Variants in PRIM2 observed in about 807,000 individuals in gnomAD.
PRIM2 encodes the protein DNA primase large subunit.
Under a neutral mutation model 67.3 loss-of-function variants are expected in PRIM2, and 39 were observed. That is an observed-to-expected ratio of 0.58 (90% CI 0.45 to 0.76). The LOEUF (loss-of-function observed/expected upper bound fraction) is 0.76. Ranked by LOEUF, PRIM2 falls within the 30% of genes least tolerant of loss-of-function variation. The pLI, the probability that PRIM2 is intolerant of heterozygous loss-of-function variation, is 0.00. For missense variants in PRIM2, 398 were observed against 598.7 expected (o/e 0.66, Z 3.50); for synonymous variants, 143 against 198.7 (o/e 0.72, Z 2.36).
chr6:57,499,420 A>G (rs1774080182), intron 7 of PRIM2, among the ~76,000 whole-genome samples: 1 of 152,046 alleles, frequency 6.6e-6, no homozygotes. Flanking sequence ...CAGGCCATAA[A>G]CCCTAGCCGA....
At chr6:57,263,487 CCT>C in the PRIM2 span, among the ~76,000 whole-genome samples, 13 of 152,272 alleles carry the variant, frequency 8.5e-5, no homozygotes, top group East Asian at 2.5e-3. Flanking sequence ...TCATCTTCTC[CCT>C]GTGTGTCTTT....
At chr6:57,549,390 ACCCTGAACTT>A (rs1775356366) in intron 10 of PRIM2, among the ~76,000 whole-genome samples, 1 of 152,026 alleles carries the variant, frequency 6.6e-6, no homozygotes. Context: ...TTTATTCCAA[ACCCTGAACTT>A]CCCCCAGTAC....
chr6:57,338,830 A>T lies in PRIM2; in HGVS notation c.459+12785A>T, dbSNP rs879935550. 3.1e-3 allele frequency among the ~76,000 whole-genome samples: 461 copies of T among 146,788 alleles called. 5 individuals carry two copies. The highest frequency in any genetic ancestry group is 0.026 in the Admixed American group (387 of 14,666). On this transcript the variant is annotated intron_variant, in intron 5 of 13. Coordinates refer to ENST00000615550, the MANE Select transcript of PRIM2 (RefSeq NM_000947.5). ...TGCCCTCTCTCACCACTCCTATTCA[A>T]CATAGTGTTGGAAGTTCTGGCCAGG...
upstream of PRIM2, chr6:57,314,845 T>C (rs758498164): frequency 2.0e-5 from 3 of 152,242 alleles, no homozygotes; most frequent in East Asian, 5.8e-4. Context: ...AACATTATTG[T>C]GCATTATTGC....
intron 7 of PRIM2, among the ~76,000 whole-genome samples, chr6:57,425,022 T>C (rs1451513126): frequency 6.6e-6 from 1 of 152,310 alleles, no homozygotes; most frequent in African/African-American, 2.4e-5. Context: ...TAAACATGTA[T>C]ACACATATAT....
intron 7 of PRIM2, among the ~76,000 whole-genome samples, chr6:57,467,114 A>AAAAG (rs1773219093): frequency 6.7e-6 from 1 of 149,824 alleles, no homozygotes; most frequent in African/African-American, 2.5e-5. Flanking sequence ...TCAAAAAAAA[A>AAAAG]AAAAAAGAAA....
the PRIM2 span, among the ~76,000 whole-genome samples, chr6:57,308,818 A>G: frequency 1.3e-5 from 2 of 152,060 alleles, no homozygotes; most frequent in African/African-American, 2.4e-5. Flanking sequence ...TTCATTGTGA[A>G]ATACTTGTTC....
At chr6:57,315,930 G>A (rs1456399380), upstream of PRIM2, among the ~76,000 whole-genome samples, 1 of 152,054 alleles carries the variant, frequency 6.6e-6, no homozygotes, top group Non-Finnish European at 1.5e-5. Flanking sequence ...ATGCTTTCAG[G>A]TGTCTTCTTT....
intron 7 of PRIM2, among the ~76,000 whole-genome samples, chr6:57,489,280 G>A (rs1773823067): frequency 6.6e-6 from 1 of 152,226 alleles, no homozygotes. Flanking sequence ...ATTTAGGCCG[G>A]GTGCAGTGGC....
chr6:57,261,489 A>G, the PRIM2 span, among the ~76,000 whole-genome samples: 2 of 152,238 alleles, frequency 1.3e-5, no homozygotes. Flanking sequence ...GAACAAGGAA[A>G]AAGTAATTCT....
chr6:57,300,467 G>C, the PRIM2 span, among the ~76,000 whole-genome samples: 1 of 152,116 alleles, frequency 6.6e-6, no homozygotes, highest in African/African-American at 2.4e-5. Flanking sequence ...GCGTGTGTGT[G>C]TGCACGCATG....
the PRIM2 span, among the ~76,000 whole-genome samples, chr6:57,271,722 G>A: frequency 3.3e-5 from 5 of 152,006 alleles, no homozygotes; most frequent in Non-Finnish European, 5.9e-5. Context: ...GTGATGTTAG[G>A]GTGTCCATTT....
At chr6:57,413,973 A>G (rs1771176047) in intron 7 of PRIM2, among the ~76,000 whole-genome samples, 1 of 152,150 alleles carries the variant, frequency 6.6e-6, no homozygotes, top group Non-Finnish European at 1.5e-5. Context: ...AGGCAAATAA[A>G]CAGCAGGAAA....
intron 10 of PRIM2, among the ~76,000 whole-genome samples, chr6:57,583,466 G>T (rs1218004110): frequency 6.7e-6 from 1 of 148,816 alleles, no homozygotes; most frequent in South Asian, 2.2e-4. Context: ...GAGAATGATG[G>T]TTTCCAATTT....
rs1355182041 is a variant in PRIM2, at chr6:57,604,616, C to A, written c.1148-1759C>A. 9.0e-3 allele frequency among the ~76,000 whole-genome samples: 1,342 copies of A among 149,694 alleles called. 25 individuals carry two copies. Among genetic ancestry groups the A allele is most frequent in the African/African-American group, 0.031 (1,265 of 40,788 alleles). ...GGCTGTGGGTTTCTCTTAGATAGTTCTTATTATTTTGAGGTATATTCCTTT... is the reference window on the plus strand; with the variant it reads ...GGCTGTGGGTTTCTCTTAGATAGTTATTATTATTTTGAGGTATATTCCTTT... On this transcript the variant is annotated intron_variant, in intron 11 of 13. Coordinates refer to ENST00000615550, the MANE Select transcript of PRIM2 (RefSeq NM_000947.5).
chr6:57,281,570 A>G, the PRIM2 span, among the ~76,000 whole-genome samples: 6 of 152,192 alleles, frequency 3.9e-5, no homozygotes, highest in African/African-American at 1.4e-4. Flanking sequence ...AACTGACCCC[A>G]TAGTACTATG....
the PRIM2 span, among the ~76,000 whole-genome samples, chr6:57,267,271 A>G: frequency 1.4e-4 from 21 of 152,126 alleles, no homozygotes; most frequent in East Asian, 3.8e-4. Context: ...TTTGGTATTC[A>G]TTATCTACTG....
At chr6:57,563,950 C>T (rs1296463641) in intron 10 of PRIM2, among the ~76,000 whole-genome samples, 5 of 152,232 alleles carry the variant, frequency 3.3e-5, no homozygotes, top group African/African-American at 1.2e-4. Flanking sequence ...TGAGCTGATG[C>T]GTACAGCCGG....
intron 10 of PRIM2, among the ~76,000 whole-genome samples, chr6:57,554,713 A>G (rs1775476991): frequency 6.6e-6 from 1 of 152,258 alleles, no homozygotes; most frequent in South Asian, 2.1e-4. Context: ...TTGGCCGAAA[A>G]TGGACCTTAA....
Sources: gnomAD v4.1 joint callset for allele counts (sites outside exome capture counted in the v4.1 genomes callset) on GRCh38, gnomAD v4.1.1 for gene constraint, MANE v1.5 for transcripts, NCBI Gene and HGNC (gene_info 2026-07-23, HGNC 2026-07-21) for gene names.